Variants in ELAC2 observed in about 807,000 individuals in gnomAD.
The protein encoded by ELAC2 is elaC ribonuclease Z 2, also known as zinc phosphodiesterase ELAC protein 2.
A neutral mutation model predicts 105.2 loss-of-function variants in ELAC2; 92 were observed. That is an observed-to-expected ratio of 0.87 (90% CI 0.74 to 1.04). ELAC2 has a LOEUF of 1.04. Among genes scored for constraint, ELAC2 ranks in the 50% least tolerant of loss-of-function variants. ELAC2 has a pLI of 0.00. For missense variants in ELAC2, 1,099 were observed against 1,071.7 expected (o/e 1.03, Z -0.36); for synonymous variants, 468 against 409.1 (o/e 1.14, Z -1.74).
intron 11 of ELAC2, among the ~76,000 whole-genome samples, chr17:13,004,739 G>T (rs752037608): frequency 6.6e-6 from 1 of 152,230 alleles, no homozygotes; most frequent in Non-Finnish European, 1.5e-5. Context: ...TATAAGAGCT[G>T]TAAGAGTTCT....
intron 17 of ELAC2, 25 bp from the exon 18 acceptor site, chr17:12,996,003 G>A (rs777715538): frequency 3.8e-6 from 6 of 1,582,936 alleles, no homozygotes; most frequent in South Asian, 2.3e-5. Flanking sequence ...GGAGACATGC[G>A]TCAGCCAGGC....
In ELAC2 at chr17:12,994,423, A is replaced by C; in HGVS notation, c.2108+2T>G. ...CGACAAGGACTGACCGGCCTTTGCT[A>C]CCTGTGTGTCTTTTCCACTGCTTCC... is the stretch of plus-strand genomic sequence containing the variant. On this transcript the variant is annotated splice_donor_variant, in intron 22 of 23. Transcript: ENST00000338034. LOFTEE classifies it high-confidence loss of function. The C allele has an allele frequency of 6.2e-7, 1 of 1,614,108 alleles. No individual in the cohort carries two copies. Among genetic ancestry groups the C allele is most frequent in the Non-Finnish European group, 8.5e-7 (1 of 1,180,014 alleles).
intron 4 of ELAC2, among the ~76,000 whole-genome samples, chr17:13,015,153 CTG>C (rs767632676): frequency 1.3e-5 from 2 of 152,326 alleles, no homozygotes; most frequent in Admixed American, 1.3e-4. Flanking sequence ...TCTCTGGCTG[CTG>C]TGTGGCAGAT....
intron 8 of ELAC2, among the ~76,000 whole-genome samples, chr17:13,007,371 A>G (rs2041168556): frequency 6.6e-6 from 1 of 152,168 alleles, no homozygotes; most frequent in African/African-American, 2.4e-5. Flanking sequence ...TGAGTCTCAA[A>G]TTTGGATCTG....
intron 8 of ELAC2, among the ~76,000 whole-genome samples, chr17:13,006,726 G>C (rs986119633): frequency 2.0e-5 from 3 of 152,196 alleles, no homozygotes; most frequent in African/African-American, 7.2e-5. Flanking sequence ...CAATGACAGT[G>C]ATAGGCTAAC....
intron 22 of ELAC2, 36 bp downstream of exon 22, chr17:12,994,389 G>C: frequency 6.2e-7 from 1 of 1,610,530 alleles, no homozygotes; most frequent in Non-Finnish European, 8.5e-7. Context: ...GGGAGGGAGA[G>C]GATGTGGGCG....
At chr17:13,008,953 TA>T (rs2041258691) in intron 8 of ELAC2, among the ~76,000 whole-genome samples, 1 of 152,186 alleles carries the variant, frequency 6.6e-6, no homozygotes, top group South Asian at 2.1e-4. Context: ...CCCGAGTGTG[TA>T]AAAGTGAGCT....
chr17:13,017,785 G>C lies in ELAC2; in HGVS notation c.163C>G (p.Pro55Ala), dbSNP rs1567778869. The C allele has an allele frequency of 2.5e-6, 4 of 1,609,262 alleles. No individual in the cohort carries two copies. Among genetic ancestry groups the C allele is most frequent in the African/African-American group, 1.3e-5 (1 of 74,892 alleles). ...ACCACCTGCAGGTACACGGTGTTTG[G>C]GCCGCCGGAGCACCCCGACGGTCCG... is the stretch of plus-strand genomic sequence containing the variant. ...KRGPSGCSGG[P>A]NTVYLQVVAA... Residue 55 changes from proline (P) to alanine (A), a missense_variant, in exon 1 of 24, where the codon CCA becomes GCA. Physicochemically the swap from Pro to Ala is conservative, Grantham distance 27. Transcript: ENST00000338034.
At chr17:13,007,808 G>A (rs2041194143) in intron 8 of ELAC2, among the ~76,000 whole-genome samples, 1 of 152,160 alleles carries the variant, frequency 6.6e-6, no homozygotes, top group Non-Finnish European at 1.5e-5. Context: ...AGCCTGGGAG[G>A]AGGAGGTTGC....
At chr17:13,003,155 T>A (rs182496190) in intron 12 of ELAC2, among the ~76,000 whole-genome samples, 1 of 152,338 alleles carries the variant, frequency 6.6e-6, no homozygotes, top group Non-Finnish European at 1.5e-5. Flanking sequence ...ATGGAAGCTA[T>A]CATTTTATAG....
At chr17:13,010,551 C>T in intron 8 of ELAC2, 62 bp downstream of exon 8, 1 of 1,500,500 alleles carries the variant, frequency 6.7e-7, no homozygotes, top group Non-Finnish European at 9.3e-7. Flanking sequence ...TGAAAAAGTG[C>T]AAACCAGAGG....
Position 13,000,739 on chromosome 17 carries a change from C to T in ELAC2, c.1305-465G>A, listed in dbSNP as rs1387217551. On this transcript the variant is annotated intron_variant, in intron 14 of 23. Coordinates refer to ENST00000338034, the MANE Select transcript of ELAC2 (RefSeq NM_018127.7). ...CCTTGGCAAAACGCAGAAGCCAGTT[C>T]GGCAGCTCTGCAGTGAGGCCTGAGA... 8 of 222,234 alleles carry T rather than the reference C, an allele frequency of 3.6e-5. No individual in the cohort carries two copies. In the East Asian group the frequency reaches 6.7e-4, roughly 19 times the overall value. 13.8% of individuals were successfully genotyped at this position (222,234 alleles called of 1,614,324 possible). A position where few individuals can be genotyped will look rare whatever the true frequency, so the allele number is the denominator to read the frequency against.
chr17:13,002,333 G>A lies in ELAC2; in HGVS notation c.1245C>T (p.Pro415=). 6.2e-7 allele frequency: 1 copy of A among 1,614,210 alleles called. No homozygotes were observed. Among genetic ancestry groups the A allele is most frequent in the South Asian group, 1.1e-5 (1 of 91,084 alleles). ...TGAGGAGGCATTCACCCTGAACCATGGGCACACTGAGGGTGGGGCCCTCCT... is the reference window on the plus strand; with the variant it reads ...TGAGGAGGCATTCACCCTGAACCATAGGCACACTGAGGGTGGGGCCCTCCT... ...CKKEGPTLSV[P]MVQGECLLKY... The change falls in exon 14 of 24, where the codon CCC becomes CCT. Residue 415 remains proline, a synonymous_variant. Coordinates refer to ENST00000338034, the MANE Select transcript of ELAC2 (RefSeq NM_018127.7).
Position 12,994,757 on chromosome 17 carries a change from T to C in ELAC2, c.2029+7A>G. On this transcript the variant is annotated splice_region_variant and intron_variant, in intron 21 of 23. Coordinates refer to ENST00000338034, the MANE Select transcript of ELAC2 (RefSeq NM_018127.7). Reference sequence around the variant, plus strand: ...CCTCAGGGTGGCTTGCTTCTTCCTCTACTCACCCATCCGGACCAGAGCCTC... The same window carrying C: ...CCTCAGGGTGGCTTGCTTCTTCCTCCACTCACCCATCCGGACCAGAGCCTC... 1 of 1,613,850 alleles carries C rather than the reference T, an allele frequency of 6.2e-7. No homozygotes were observed. Among genetic ancestry groups the C allele is most frequent in the South Asian group, 1.1e-5 (1 of 91,082 alleles).
chr17:12,994,246 A>C lies in ELAC2; in HGVS notation c.2108+179T>G, dbSNP rs571645171. 3.9e-5 allele frequency among the ~76,000 whole-genome samples: 6 copies of C among 152,316 alleles called. No homozygotes were observed. In the South Asian group the frequency reaches 1.0e-3, roughly 26 times the overall value. On this transcript the variant is annotated intron_variant, in intron 22 of 23. Transcript: ENST00000338034. ...CTCACTCTAGAATCTTGCTTAGAAA[A>C]TTCTGCAAAAATAAAGGCCAAGAGC...
At chr17:13,017,027 G>T in intron 2 of ELAC2, 44 bp downstream of exon 2, 1 of 1,613,120 alleles carries the variant, frequency 6.2e-7, no homozygotes, top group South Asian at 1.1e-5. Context: ...CGGCTTTCAA[G>T]CCCCGTAATC....
In ELAC2 at chr17:12,999,816, G is replaced by A. The variant is rs1386163660; in HGVS notation, c.1423+340C>T. ...TGGGACTACAGGCGCCCGCCGCCAC[G>A]CCCAGCTAATTTTTGTATTTTTAGT... On this transcript the variant is annotated intron_variant, in intron 15 of 23. Coordinates refer to ENST00000338034, the MANE Select transcript of ELAC2 (RefSeq NM_018127.7). Among the ~76,000 whole-genome samples, 6 of 152,226 alleles carry A rather than the reference G, an allele frequency of 3.9e-5. No homozygotes were observed. In the South Asian group the frequency reaches 6.2e-4, roughly 16 times the overall value.
At chr17:13,015,037 A>G (rs944021659) in intron 4 of ELAC2, among the ~76,000 whole-genome samples, 5 of 152,188 alleles carry the variant, frequency 3.3e-5, no homozygotes, top group African/African-American at 1.2e-4. Flanking sequence ...CGGGGCCTAC[A>G]GGACTTGTAG....
Position 12,995,770 on chromosome 17 carries a change from G to T in ELAC2, c.1741C>A (p.Pro581Thr). The T allele has an allele frequency of 6.2e-7, 1 of 1,612,966 alleles. No individual in the cohort carries two copies. Among genetic ancestry groups the T allele is most frequent in the Non-Finnish European group, 8.5e-7 (1 of 1,179,588 alleles). The change falls in exon 19 of 24, where the codon CCC becomes ACC. Residue 581 changes from proline (P) to threonine (T), a missense_variant. By Grantham distance (38) the Pro-to-Thr change is conservative. Coordinates refer to ENST00000338034, the MANE Select transcript of ELAC2 (RefSeq NM_018127.7). ...TGGAGCCAGGCTTTGAGCTGGTTGGGGGCAACCACCAGCAAAGGGTGAAGC... is the reference window on the plus strand; with the variant it reads ...TGGAGCCAGGCTTTGAGCTGGTTGGTGGCAACCACCAGCAAAGGGTGAAGC... ...KPLHPLLVVA[P>T]NQLKAWLQQY...
Sources: allele counts gnomAD v4.1 joint callset (sites outside exome capture counted in the v4.1 genomes callset), GRCh38; gene constraint gnomAD v4.1.1; transcripts MANE v1.5; gene names NCBI Gene and HGNC (gene_info 2026-07-23, HGNC 2026-07-21).